The following ZNF143 variants were observed in gnomAD, a reference collection of about 807,000 sequenced individuals.
The protein encoded by ZNF143 is SPH-binding factor.
A neutral mutation model predicts 74.1 loss-of-function variants in ZNF143; 49 were observed. That is an observed-to-expected ratio of 0.66 (90% CI 0.53 to 0.84). The LOEUF is 0.84. Ranked by LOEUF, ZNF143 falls within the 40% of genes least tolerant of loss-of-function variation. ZNF143 has a pLI of 0.00. For missense variants in ZNF143, 637 were observed against 793.4 expected, an observed-to-expected ratio of 0.80 and a Z score of 2.37; for synonymous variants, 304 against 282.8, an observed-to-expected ratio of 1.07 and a Z score of -0.75.
rs1480491577 is a variant in ZNF143, at chr11:9,501,298, T to TA, written c.1147+29dup. 7 of 1,607,626 alleles carry TA rather than the reference T, an allele frequency of 4.4e-6. No individual in the cohort carries two copies. In the South Asian group the frequency reaches 6.6e-5, roughly 15 times the overall value. ...AACAATCTCTGATCTTTTGGTCTTT[T>TA]ATCTTTCAAGGCTCAGTTTAACTCC... is the stretch of plus-strand genomic sequence containing the variant. On this transcript the variant is annotated intron_variant, in intron 11 of 15. Transcript: ENST00000396602.
At position 9,478,919 on chromosome 11, in the gene ZNF143, T is replaced by C. The variant is rs1040834445; in HGVS notation, c.570+333T>C. Among the ~76,000 whole-genome samples the C allele has an allele frequency of 8.5e-5, 13 of 152,158 alleles. No homozygotes were observed. In the Middle Eastern group the frequency reaches 0.01, roughly 120 times the overall value. On this transcript the variant is annotated intron_variant, in intron 6 of 15. Transcript: ENST00000396602. ...AAAAAGGGAATGGAGTAAAGACTTA[T>C]AGAAGAGAAATGAGTGGCAGGTAAT...
chr11:9,499,574 A>T (rs1199591510), intron 10 of ZNF143, among the ~76,000 whole-genome samples: 1 of 152,172 alleles, frequency 6.6e-6, no homozygotes, highest in Non-Finnish European at 1.5e-5. Context: ...TCGTGGTAGC[A>T]TGTGCCTGTG....
intron 7 of ZNF143, among the ~76,000 whole-genome samples, chr11:9,492,130 AG>A (rs1446866156): frequency 7.4e-5 from 4 of 53,720 alleles, no homozygotes; most frequent in Non-Finnish European, 1.3e-4. Flanking sequence ...TTTTTTTTTG[AG>A]ACGGAGTCTT....
intron 1 of ZNF143, among the ~76,000 whole-genome samples, chr11:9,465,670 T>C (rs1475866708): frequency 6.6e-6 from 1 of 150,440 alleles, no homozygotes; most frequent in Non-Finnish European, 1.5e-5. Context: ...TGGCTAATTT[T>C]TTTTTTTTTT....
At chr11:9,476,531 C>T (rs1856902210) in intron 5 of ZNF143, among the ~76,000 whole-genome samples, 1 of 151,670 alleles carries the variant, frequency 6.6e-6, no homozygotes, top group Non-Finnish European at 1.5e-5. Flanking sequence ...CGCCACTACA[C>T]CCGGCTAATT....
At chr11:9,472,632 C>G (rs764960176) in intron 2 of ZNF143, 45 bp from the exon 3 acceptor site, 2 of 1,482,450 alleles carry the variant, frequency 1.3e-6, no homozygotes, top group Admixed American at 1.8e-5. Context: ...ATCAGCATGT[C>G]CATATGCTAG....
At chr11:9,527,454 A>G in intron 15 of ZNF143, 76 bp from the exon 16 acceptor site, 1 of 1,355,840 alleles carries the variant, frequency 7.4e-7, no homozygotes, top group South Asian at 1.2e-5. Context: ...CACTTCTGGC[A>G]TATAACATTT....
intron 2 of ZNF143, among the ~76,000 whole-genome samples, chr11:9,472,021 C>A (rs1206406693): frequency 6.6e-6 from 1 of 150,688 alleles, no homozygotes; most frequent in African/African-American, 2.4e-5. Context: ...CCTCAGCCTT[C>A]TGGCTTAAGA....
At chr11:9,486,690 A>G (rs1464625003) in intron 7 of ZNF143, among the ~76,000 whole-genome samples, 1 of 149,168 alleles carries the variant, frequency 6.7e-6, no homozygotes. Flanking sequence ...TTTCCCTGAG[A>G]CAGAGTCTCA....
intron 7 of ZNF143, among the ~76,000 whole-genome samples, chr11:9,491,251 C>A (rs1333793718): frequency 6.7e-6 from 1 of 148,468 alleles, no homozygotes; most frequent in African/African-American, 2.5e-5. Context: ...ATACATTTTA[C>A]ATACTTTTTT....
intron 5 of ZNF143, among the ~76,000 whole-genome samples, chr11:9,476,357 ATATTT>A (rs1856889061): frequency 2.0e-5 from 3 of 152,026 alleles, no homozygotes; most frequent in African/African-American, 7.2e-5. Context: ...ACTTTAGAGA[ATATTT>A]TATTTTAATT....
chr11:9,517,829 A>T (rs144367932), intron 14 of ZNF143, among the ~76,000 whole-genome samples: 1 of 152,222 alleles, frequency 6.6e-6, no homozygotes, highest in Non-Finnish European at 1.5e-5. Flanking sequence ...AACCTTAAAG[A>T]TTACTTGGAC....
intron 1 of ZNF143, among the ~76,000 whole-genome samples, chr11:9,469,834 C>G (rs998294774): frequency 3.3e-5 from 5 of 152,160 alleles, no homozygotes; most frequent in Admixed American, 3.3e-4. Flanking sequence ...AGGTGTGAGC[C>G]ACTGCACCCA....
At chr11:9,521,524 C>T (rs1848926148) in intron 14 of ZNF143, among the ~76,000 whole-genome samples, 1 of 151,672 alleles carries the variant, frequency 6.6e-6, no homozygotes, top group African/African-American at 2.4e-5. Context: ...TTAATTAGGA[C>T]ACCACCATCT....
intron 7 of ZNF143, among the ~76,000 whole-genome samples, chr11:9,481,857 C>T (rs754394593): frequency 1.6e-4 from 23 of 145,326 alleles, no homozygotes; most frequent in Non-Finnish European, 2.9e-4. Context: ...CACTGCACCC[C>T]AGCCTGGGCA....
intron 8 of ZNF143, 70 bp from the exon 9 acceptor site, chr11:9,496,233 T>C: frequency 7.2e-7 from 1 of 1,389,218 alleles, no homozygotes; most frequent in Non-Finnish European, 1.0e-6. Flanking sequence ...GAAAAAGTAG[T>C]TCTGTGTTGC....
chr11:9,508,521 C>G, intron 11 of ZNF143, 98 bp from the exon 12 acceptor site: 2 of 1,086,692 alleles, frequency 1.8e-6, no homozygotes, highest in Non-Finnish European at 2.6e-6. Context: ...TTTGGCAATT[C>G]TTTATTTTTA....
At chr11:9,497,407 T>G (rs1847998311) in intron 9 of ZNF143, among the ~76,000 whole-genome samples, 1 of 152,032 alleles carries the variant, frequency 6.6e-6, no homozygotes, top group South Asian at 2.1e-4. Flanking sequence ...TTTTTTGCAT[T>G]TTTAGTAGAG....
intron 1 of ZNF143, among the ~76,000 whole-genome samples, chr11:9,461,431 G>C (rs958376692): frequency 6.6e-6 from 1 of 152,092 alleles, no homozygotes; most frequent in African/African-American, 2.4e-5. Flanking sequence ...CGCGTTTCTC[G>C]GCCTGACCTC....
Sources: allele counts gnomAD v4.1 joint callset (sites outside exome capture counted in the v4.1 genomes callset), GRCh38; gene constraint gnomAD v4.1.1; transcripts MANE v1.5; gene names NCBI Gene and HGNC (gene_info 2026-07-23, HGNC 2026-07-21).